Variants in NUDCD3 observed in about 807,000 individuals in gnomAD.
NUDCD3 encodes NudC domain containing 3, also known as nudC domain-containing protein 3.
Under a neutral mutation model 39.7 loss-of-function variants are expected in NUDCD3, and 13 were observed. That is an observed-to-expected ratio of 0.33 (90% CI 0.21 to 0.52). The LOEUF is 0.52. Among genes scored for constraint, NUDCD3 ranks in the 20% least tolerant of loss-of-function variants. The pLI, the probability that NUDCD3 is intolerant of heterozygous loss-of-function variation, is 0.96. For synonymous variants in NUDCD3, 175 were observed against 172.4 expected, an observed-to-expected ratio of 1.02 and a Z score of -0.12; for missense variants, 453 against 458.1, an observed-to-expected ratio of 0.99 and a Z score of 0.10.
intron 2 of NUDCD3, among the ~76,000 whole-genome samples, chr7:44,439,846 G>A (rs1359223986): frequency 6.6e-6 from 1 of 152,022 alleles, no homozygotes; most frequent in Non-Finnish European, 1.5e-5. Flanking sequence ...GAGGGAAATA[G>A]GAAATTGCCA....
intron 5 of NUDCD3, among the ~76,000 whole-genome samples, 196 bp from the exon 6 acceptor site, chr7:44,386,317 AT>A (rs1343948343): frequency 2.0e-5 from 3 of 152,048 alleles, no homozygotes; most frequent in African/African-American, 7.2e-5. Context: ...GTGCCTGCCA[AT>A]TTCTCTCCAA....
At chr7:44,391,760 C>CA (rs1368984758) in intron 5 of NUDCD3, among the ~76,000 whole-genome samples, 2 of 152,156 alleles carry the variant, frequency 1.3e-5, no homozygotes, top group African/African-American at 2.4e-5. Context: ...TCTAATTAAT[C>CA]ATTCTCTTTG....
chr7:44,481,873 T>C (rs903460260), intron 2 of NUDCD3, among the ~76,000 whole-genome samples: 1 of 152,150 alleles, frequency 6.6e-6, no homozygotes, highest in African/African-American at 2.4e-5. Flanking sequence ...ATAAAAGATT[T>C]GAGAGAGTTC....
chr7:44,430,554 CCACACACACACACACTCACACACACA>C (rs1428561357), intron 2 of NUDCD3, among the ~76,000 whole-genome samples: 5 of 140,772 alleles, frequency 3.6e-5, no homozygotes, highest in African/African-American at 1.4e-4. Flanking sequence ...AATAAAATAC[CCACACACACACACACTCACACACACA>C]CACACACACA....
chr7:44,409,204 C>A (rs1332422016), intron 3 of NUDCD3, among the ~76,000 whole-genome samples: 2 of 152,176 alleles, frequency 1.3e-5, no homozygotes, highest in African/African-American at 4.8e-5. Flanking sequence ...GCTCTCACCT[C>A]TGGCTGACTT....
intron 1 of NUDCD3, chr7:44,489,812 A>T (rs185465070): frequency 6.6e-6 from 1 of 152,250 alleles, no homozygotes; most frequent in South Asian, 2.1e-4. Context: ...ATTCAGCAAA[A>T]GGTTGCTTAC....
chr7:44,468,349 C>CAAAAAAA (rs77181470), intron 2 of NUDCD3: 51 of 381,046 alleles, frequency 1.3e-4, no homozygotes, highest in African/African-American at 6.1e-4. Context: ...GTAAAAACTG[C>CAAAAAAA]AAAAAAAAAA....
At chr7:44,429,198 A>C (rs1799301696) in intron 2 of NUDCD3, among the ~76,000 whole-genome samples, 1 of 152,230 alleles carries the variant, frequency 6.6e-6, no homozygotes, top group African/African-American at 2.4e-5. Flanking sequence ...GTGGCTGTTA[A>C]GAACTGAATT....
At chr7:44,463,004 C>G (rs1800047773) in intron 2 of NUDCD3, among the ~76,000 whole-genome samples, 1 of 147,862 alleles carries the variant, frequency 6.8e-6, no homozygotes, top group Non-Finnish European at 1.5e-5. Flanking sequence ...CACAAAGATA[C>G]AAAAGATTTA....
chr7:44,429,161 G>A (rs187395709), intron 2 of NUDCD3, among the ~76,000 whole-genome samples: 8 of 152,300 alleles, frequency 5.3e-5, no homozygotes, highest in East Asian at 3.9e-4. Context: ...CCTCCACCAC[G>A]GCCTGAGTCC....
chr7:44,407,734 A>G (rs894145051), intron 3 of NUDCD3, among the ~76,000 whole-genome samples: 1 of 152,180 alleles, frequency 6.6e-6, no homozygotes, highest in Non-Finnish European at 1.5e-5. Flanking sequence ...CTATATCCAT[A>G]TAACCAGAAT....
chr7:44,402,646 A>G (rs1338773659), intron 4 of NUDCD3: 1 of 456,428 alleles, frequency 2.2e-6, no homozygotes, highest in East Asian at 6.9e-5. Context: ...GCTCACCAAG[A>G]GCTCCTCGCT....
chr7:44,408,014 G>A (rs1798860395), intron 3 of NUDCD3, among the ~76,000 whole-genome samples: 1 of 152,010 alleles, frequency 6.6e-6, no homozygotes, highest in South Asian at 2.1e-4. Flanking sequence ...GAAATTTTAT[G>A]ACACTGGGTG....
At chr7:44,408,367 C>T (rs1798866648) in intron 3 of NUDCD3, among the ~76,000 whole-genome samples, 1 of 152,070 alleles carries the variant, frequency 6.6e-6, no homozygotes, top group Admixed American at 6.6e-5. Flanking sequence ...TGTAGCTATA[C>T]AGCAGAACAG....
intron 4 of NUDCD3, among the ~76,000 whole-genome samples, chr7:44,404,062 T>C (rs568375782): frequency 6.6e-6 from 1 of 152,366 alleles, no homozygotes; most frequent in South Asian, 2.1e-4. Context: ...AACTCTTAGC[T>C]ATGCCTAACC....
chr7:44,467,425 C>T (rs961624024), intron 2 of NUDCD3, among the ~76,000 whole-genome samples: 1 of 152,164 alleles, frequency 6.6e-6, no homozygotes, highest in Non-Finnish European at 1.5e-5. Flanking sequence ...TGTACAACTG[C>T]TCAAAGGAAG....
intron 3 of NUDCD3, among the ~76,000 whole-genome samples, chr7:44,407,269 TA>T (rs370365897): frequency 2.6e-3 from 362 of 136,850 alleles, no homozygotes; most frequent in Middle Eastern, 3.7e-3. Flanking sequence ...ATTTTTGTAT[TA>T]AAAAAAAAAA....
chr7:44,458,936 C>CTGTGTG (rs55947411), intron 2 of NUDCD3, among the ~76,000 whole-genome samples: 11,139 of 115,340 alleles, frequency 0.097, 517 homozygotes, highest in South Asian at 0.17. Flanking sequence ...ACGGGGAGTG[C>CTGTGTG]TGTGTGTGTG....
In NUDCD3 at chr7:44,447,346, G is replaced by A. The variant is rs542738461; in HGVS notation, c.510-19643C>T. ...CGAAGGTCTTCTGTAGAAAGTTTCC[G>A]TATGTTTCCCATCTACTATGGTTTG... is the stretch of plus-strand genomic sequence containing the variant. On this transcript the variant is annotated intron_variant, in intron 2 of 5. Coordinates refer to ENST00000355451, the MANE Select transcript of NUDCD3 (RefSeq NM_015332.4). 5.9e-5 allele frequency among the ~76,000 whole-genome samples: 9 copies of A among 152,294 alleles called. No homozygotes were observed. The South Asian group carries it at 1.2e-3, about 21-fold the overall frequency.
Sources: allele counts gnomAD v4.1 joint callset (sites outside exome capture counted in the v4.1 genomes callset), GRCh38; gene constraint gnomAD v4.1.1; transcripts MANE v1.5; gene names NCBI Gene and HGNC (gene_info 2026-07-23, HGNC 2026-07-21).